Variants in RUFY1 observed in about 807,000 individuals in gnomAD.
The protein encoded by RUFY1 is RUN and FYVE domain-containing protein 1.
RUFY1 carries 54 observed loss-of-function variants against 94.6 expected under a neutral mutation model. That is an observed-to-expected ratio of 0.57 (90% CI 0.46 to 0.72). The LOEUF (loss-of-function observed/expected upper bound fraction) is 0.72. Ranked by LOEUF, RUFY1 falls within the 30% of genes least tolerant of loss-of-function variation. The pLI is 0.00. For synonymous variants in RUFY1, 396 were observed against 347.3 expected (o/e 1.14, Z -1.56); for missense variants, 883 against 883.9 (o/e 1.00, Z 0.01).
chr5:179,608,597 A>C, intron 17 of RUFY1: 1 of 985,520 alleles, frequency 1.0e-6, no homozygotes, highest in Non-Finnish European at 1.2e-6. Context: ...TCACTGGCTT[A>C]GTGATGAAGT....
At chr5:179,602,884 A>G (rs1766590831) in intron 15 of RUFY1, 1 of 152,252 alleles carries the variant, frequency 6.6e-6, no homozygotes, top group Non-Finnish European at 1.5e-5. Flanking sequence ...CCGAGTACCC[A>G]TGCCTGACAT....
chr5:179,591,253 T>C (rs1386034729), intron 9 of RUFY1, among the ~76,000 whole-genome samples: 4 of 152,058 alleles, frequency 2.6e-5, no homozygotes, highest in Admixed American at 6.6e-5. Context: ...GGCACGATCT[T>C]GGCTCACTGC....
At chr5:179,556,596 G>A (rs1262302489) in intron 1 of RUFY1, among the ~76,000 whole-genome samples, 1 of 151,930 alleles carries the variant, frequency 6.6e-6, no homozygotes, top group African/African-American at 2.4e-5. Context: ...CGCCTCCCGA[G>A]TTCAAGTGAT....
chr5:179,591,518 A>C, intron 9 of RUFY1, 107 bp from the exon 10 acceptor site: 1 of 764,330 alleles, frequency 1.3e-6, no homozygotes, highest in Non-Finnish European at 2.2e-6. Flanking sequence ...CTTAAAAAAT[A>C]AAAATTACCT....
chr5:179,577,277 T>G, intron 6 of RUFY1, 141 bp downstream of exon 6: 1 of 564,602 alleles, frequency 1.8e-6, no homozygotes. Flanking sequence ...GTTCAAGCGA[T>G]TCTTCTGCCT....
chr5:179,582,370 C>T (rs1449374520), intron 7 of RUFY1, among the ~76,000 whole-genome samples: 1 of 152,128 alleles, frequency 6.6e-6, no homozygotes, highest in East Asian at 1.9e-4. Context: ...GAACTACAGG[C>T]ATGCACCACT....
intron 7 of RUFY1, among the ~76,000 whole-genome samples, 190 bp from the exon 8 acceptor site, chr5:179,585,606 C>T (rs542909210): frequency 6.6e-6 from 1 of 152,112 alleles, no homozygotes; most frequent in South Asian, 2.1e-4. Flanking sequence ...ATTAAATTTT[C>T]GGGACAAAAC....
In RUFY1 at chr5:179,609,343, G is replaced by C. The variant is rs1344393548; in HGVS notation, c.1984-33G>C. The stretch of plus-strand genomic sequence containing the variant: ...GGGTGTGCGGATGGCTTTTCCCCGG[G>C]TGTCCTGTGACCGCCTTCTTCCCGT... On this transcript the variant is annotated intron_variant, in intron 17 of 17. Coordinates refer to ENST00000319449, the MANE Select transcript of RUFY1 (RefSeq NM_025158.5). 2.5e-6 allele frequency: 4 copies of C among 1,605,882 alleles called. No individual in the cohort carries two copies. The Admixed American group carries it at 5.0e-5, about 20-fold the overall frequency.
intron 1 of RUFY1, chr5:179,559,565 C>T (rs574360439): frequency 7.2e-6 from 5 of 691,738 alleles, no homozygotes; most frequent in African/African-American, 5.8e-5. Context: ...TGGCGCCCAC[C>T]AGCTCCGTAG....
intron 15 of RUFY1, among the ~76,000 whole-genome samples, chr5:179,604,285 CAG>C (rs148534114): frequency 0.01 from 1,559 of 152,296 alleles, 13 homozygotes; most frequent in Non-Finnish European, 0.018. Context: ...TACCGGATGA[CAG>C]AGATGGCAAA....
chr5:179,558,217 AATC>A (rs1229882107), intron 1 of RUFY1, among the ~76,000 whole-genome samples: 1 of 152,148 alleles, frequency 6.6e-6, no homozygotes, highest in Non-Finnish European at 1.5e-5. Context: ...TTCCTTTGCC[AATC>A]ATCCATTACA....
At chr5:179,578,476 C>G (rs1763835896) in intron 6 of RUFY1, among the ~76,000 whole-genome samples, 1 of 152,076 alleles carries the variant, frequency 6.6e-6, no homozygotes, top group Admixed American at 6.5e-5. Context: ...GCGTCGGCCT[C>G]CCAAAGTGCT....
chr5:179,551,417 TAAC>T (rs1287497116), intron 1 of RUFY1, among the ~76,000 whole-genome samples: 2 of 152,272 alleles, frequency 1.3e-5, no homozygotes, highest in Non-Finnish European at 2.9e-5. Flanking sequence ...CTTAGCCCTC[TAAC>T]GCCAGACATC....
At chr5:179,597,282 C>T (rs540722326) in intron 13 of RUFY1, among the ~76,000 whole-genome samples, 1 of 152,150 alleles carries the variant, frequency 6.6e-6, no homozygotes, top group African/African-American at 2.4e-5. Flanking sequence ...CTTGCCCAGG[C>T]TGGAGTGCGG....
At chr5:179,580,029 TAATTG>T (rs1183555302) in intron 6 of RUFY1, among the ~76,000 whole-genome samples, 1 of 151,976 alleles carries the variant, frequency 6.6e-6, no homozygotes, top group East Asian at 1.9e-4. Context: ...AGTCAGGAAA[TAATTG>T]AATTAATTAT....
intron 3 of RUFY1, among the ~76,000 whole-genome samples, chr5:179,564,571 T>G (rs559788988): frequency 2.0e-5 from 3 of 151,854 alleles, no homozygotes; most frequent in African/African-American, 7.2e-5. Flanking sequence ...GACTATAGGC[T>G]GAGGCAGGAG....
At chr5:179,559,244 T>C (rs1406297597) in intron 1 of RUFY1, among the ~76,000 whole-genome samples, 1 of 152,242 alleles carries the variant, frequency 6.6e-6, no homozygotes, top group African/African-American at 2.4e-5. Context: ...CGTATAGATA[T>C]CTGATGATAA....
At chr5:179,559,083 T>C (rs1163222124) in intron 1 of RUFY1, among the ~76,000 whole-genome samples, 2 of 152,044 alleles carry the variant, frequency 1.3e-5, no homozygotes, top group Non-Finnish European at 2.9e-5. Flanking sequence ...AATTGGCAAA[T>C]ATTTCCAAGA....
At chr5:179,592,257 C>T (rs191243773) in intron 10 of RUFY1, among the ~76,000 whole-genome samples, 1 of 152,052 alleles carries the variant, frequency 6.6e-6, no homozygotes. Context: ...GTAGCTGGGA[C>T]TACAGGCATA....
Sources: allele counts gnomAD v4.1 joint callset (sites outside exome capture counted in the v4.1 genomes callset), GRCh38; gene constraint gnomAD v4.1.1; transcripts MANE v1.5; gene names NCBI Gene and HGNC (gene_info 2026-07-23, HGNC 2026-07-21).